COG8: variants seen among roughly 807,000 people sequenced by gnomAD.
COG8 encodes component of oligomeric golgi complex 8.
COG8 carries 45 observed loss-of-function variants against 46.5 expected under a neutral mutation model. That is an observed-to-expected ratio of 0.97 (90% CI 0.76 to 1.24). The LOEUF (loss-of-function observed/expected upper bound fraction) is 1.24. Ranked by LOEUF, COG8 falls within the 50% of genes most tolerant of loss-of-function variation. The pLI is 0.00. For missense variants in COG8, 793 were observed against 820.8 expected (o/e 0.97, Z 0.41); for synonymous variants, 407 against 347.8 (o/e 1.17, Z -1.90).
In COG8 at chr16:69,334,512, T is replaced by C. The variant is rs1258633246; in HGVS notation, c.1413+9A>G. 1 of 1,613,028 alleles carries C rather than the reference T, an allele frequency of 6.2e-7. No individual in the cohort carries two copies. The highest frequency in any genetic ancestry group is 8.5e-7 in the Non-Finnish European group (1 of 1,179,136). On this transcript the variant is annotated intron_variant, in intron 3 of 5. Transcript: ENST00000306875. ...CCAGGGTAGCAGAAAACCAACAGAA[T>C]GTGCTCACCTTGGCAAGGGCATCTT...
chr16:69,331,525 G>C (rs1241304194), intron 4 of COG8, among the ~76,000 whole-genome samples: 2 of 115,730 alleles, frequency 1.7e-5, no homozygotes, highest in Non-Finnish European at 1.8e-5. Flanking sequence ...TTTTTTTTGA[G>C]ACAGTCTCGC....
At chr16:69,332,409 G>A (rs997967084) in intron 4 of COG8, among the ~76,000 whole-genome samples, 34 of 152,008 alleles carry the variant, frequency 2.2e-4, no homozygotes, top group Non-Finnish European at 3.5e-4. Context: ...GGAATCATAC[G>A]TATGTAGTTC....
At chr16:69,332,133 C>G (rs2011904027) in intron 4 of COG8, among the ~76,000 whole-genome samples, 1 of 152,084 alleles carries the variant, frequency 6.6e-6, no homozygotes, top group African/African-American at 2.4e-5. Context: ...GTGGGCGGAT[C>G]ACAGGTCAAG....
intron 4 of COG8, among the ~76,000 whole-genome samples, chr16:69,331,607 G>T (rs181551746): frequency 1.8e-4 from 28 of 151,580 alleles, no homozygotes; most frequent in African/African-American, 6.8e-4. Context: ...GGTTCAAACA[G>T]TTCTCATGCC....
chr16:69,335,166 C>A lies in COG8; in HGVS notation c.768G>T (p.Arg256=). The stretch of plus-strand genomic sequence containing the variant: ...CATTAGGAATGGCAGTCAGGATGGA[C>A]CGGAGCCAAGCATCTCGGGCCTGAA... ...KFLQARDAWL[R]SILTAIPNDD... The change falls in exon 3 of 6, where the codon CGG becomes CGT. Residue 256 remains arginine (R), a synonymous_variant. Coordinates refer to ENST00000306875, the MANE Select transcript of COG8 (RefSeq NM_032382.5). 1 of 1,614,168 alleles carries A rather than the reference C, an allele frequency of 6.2e-7. No individual in the cohort carries two copies. The highest frequency in any genetic ancestry group is 8.5e-7 in the Non-Finnish European group (1 of 1,180,024).
chr16:69,327,729 T>C lies in COG8; in HGVS notation c.*1477A>G, dbSNP rs1965644495. The C allele has an allele frequency of 6.6e-6, 1 of 151,966 alleles. No individual in the cohort carries two copies. The highest frequency in any genetic ancestry group is 2.4e-5 in the African/African-American group (1 of 41,344). 9.4% of individuals were successfully genotyped at this position (151,966 alleles called of 1,614,324 possible). ...TGAAACAGTTTAACTAAAACTGGAG[T>C]TTGGCTGGGTAGTGTGGCTCACAAC... On this transcript the variant is annotated 3_prime_UTR_variant, in exon 6 of 6. Transcript: ENST00000306875.
intron 1 of COG8, chr16:69,338,449 G>C (rs2012327125): frequency 6.6e-6 from 1 of 152,266 alleles, no homozygotes; most frequent in African/African-American, 2.4e-5. Context: ...TTTTGAAGCA[G>C]ATGACCTCCG....
At chr16:69,330,075 C>T (rs376965963) in intron 5 of COG8, 20 of 1,566,858 alleles carry the variant, frequency 1.3e-5, no homozygotes, top group Non-Finnish European at 1.3e-5. Context: ...GGAAAGGTGA[C>T]CAGGCGGCTG....
At chr16:69,334,276 A>T (rs2012059440) in intron 3 of COG8, among the ~76,000 whole-genome samples, 1 of 152,238 alleles carries the variant, frequency 6.6e-6, no homozygotes, top group South Asian at 2.1e-4. Context: ...GAAATTTGTT[A>T]TGCAGCACTA....
In COG8 at chr16:69,330,890, CGG is replaced by C; in HGVS notation, c.1786_1787del (p.Pro596GlyfsTer74). 1 of 1,549,338 alleles carries C rather than the reference CGG, an allele frequency of 6.5e-7. No homozygotes were observed. The highest frequency in any genetic ancestry group is 1.2e-5 in the South Asian group (1 of 84,204). ...PRLEPAGPACPEGGRAETQAE... is the reference protein window; with the variant it reads ...PRLEPAGPACXEGGRAETQAE... ...CCTGCGTCTCCGCTCGCCCTCCCTC[CGG>C]GCAGGCTGGGCCCGCGGGCTCCAGG... is the stretch of plus-strand genomic sequence containing the variant. On this transcript the variant is annotated frameshift_variant, in exon 5 of 6. Coordinates refer to ENST00000306875, the MANE Select transcript of COG8 (RefSeq NM_032382.5). LOFTEE classifies it high-confidence loss of function.
intron 2 of COG8, among the ~76,000 whole-genome samples, chr16:69,335,682 G>T (rs1173982332): frequency 1.3e-5 from 2 of 152,014 alleles, no homozygotes; most frequent in African/African-American, 4.8e-5. Flanking sequence ...TGGGTGTGGT[G>T]GTGCAGGCCT....
intron 3 of COG8, 69 bp from the exon 4 acceptor site, chr16:69,332,951 A>G: frequency 3.3e-6 from 5 of 1,507,202 alleles, no homozygotes; most frequent in Non-Finnish European, 3.7e-6. Flanking sequence ...GCATGAAACT[A>G]GGCAAAAAAA....
chr16:69,330,752 C>T (rs1194628072), intron 5 of COG8, 61 bp downstream of exon 5: 16 of 1,436,090 alleles, frequency 1.1e-5, no homozygotes, highest in Non-Finnish European at 1.5e-5. Flanking sequence ...CCTCCCGAAC[C>T]CGCCCCGGAC....
In COG8 at chr16:69,330,758, C is replaced by T. The variant is rs1240564944; in HGVS notation, c.*26+55G>A. 1.4e-5 allele frequency: 21 copies of T among 1,455,664 alleles called. No homozygotes were observed. The Admixed American group carries it at 2.6e-4, about 18-fold the overall frequency. 90.2% of individuals were successfully genotyped at this position (1,455,664 alleles called of 1,614,324 possible). ...GCCTTCCCGCCTCCCGAACCCGCCCCGGACCTTCCAGGGCGAGGCAGTCCT... is the reference window on the plus strand; with the variant it reads ...GCCTTCCCGCCTCCCGAACCCGCCCTGGACCTTCCAGGGCGAGGCAGTCCT... On this transcript the variant is annotated intron_variant, in intron 5 of 5. Transcript: ENST00000306875.
At position 69,334,537 on chromosome 16, in the gene COG8, TC is replaced by T. The variant is rs771045945; in HGVS notation, c.1396del (p.Glu466LysfsTer7). The T allele has an allele frequency of 1.1e-5, 17 of 1,613,890 alleles. No individual in the cohort carries two copies. In the Admixed American group the frequency reaches 2.8e-4, roughly 27 times the overall value. The stretch of plus-strand genomic sequence containing the variant: ...TGTGCTCACCTTGGCAAGGGCATCT[TC>T]CAAGGCCCCAGTCACATCCTGCGCC... ...ALAQDVTGAL[E>X]DALAKVTKII... On this transcript the variant is annotated frameshift_variant, in exon 3 of 6. Coordinates refer to ENST00000306875, the MANE Select transcript of COG8 (RefSeq NM_032382.5). LOFTEE classifies it high-confidence loss of function.
Position 69,336,644 on chromosome 16 carries a change from TGCCG to T in COG8, c.442_445del (p.Arg148ThrfsTer50). 3 of 1,614,156 alleles carry T rather than the reference TGCCG, an allele frequency of 1.9e-6. No homozygotes were observed. Among genetic ancestry groups the T allele is most frequent in the Non-Finnish European group, 2.5e-6 (3 of 1,180,030 alleles). On this transcript the variant is annotated frameshift_variant, in exon 2 of 6. Coordinates refer to ENST00000306875, the MANE Select transcript of COG8 (RefSeq NM_032382.5). LOFTEE classifies it high-confidence loss of function. ...CTCCAGTATTTCCAAAATTTCTGTG[TGCCG>T]GTTTAGGGTCAGGCTATTCATCCGG...
At chr16:69,335,422 A>T (rs769290618) in intron 2 of COG8, 74 bp from the exon 3 acceptor site, 3 of 1,218,814 alleles carry the variant, frequency 2.5e-6, no homozygotes, top group Non-Finnish European at 3.5e-6. Flanking sequence ...AACTCTGAAG[A>T]CTGCAGACCA....
In COG8 at chr16:69,339,169, G is replaced by C. The variant is rs888672913; in HGVS notation, c.377+7C>G. The C allele has an allele frequency of 1.9e-6, 3 of 1,612,898 alleles. No homozygotes were observed. The highest frequency in any genetic ancestry group is 1.7e-4 in the Middle Eastern group (1 of 6,058). ...ATAAAACCCCTTTAGCGCCAGGCGC[G>C]TCGCACCTGCAGCTCTGCTGGAAGC... is the stretch of plus-strand genomic sequence containing the variant. On this transcript the variant is annotated splice_region_variant and intron_variant, in intron 1 of 5. Transcript: ENST00000306875.
intron 4 of COG8, among the ~76,000 whole-genome samples, chr16:69,331,341 A>G (rs1453545870): frequency 6.6e-6 from 1 of 150,764 alleles, no homozygotes; most frequent in African/African-American, 2.4e-5. Flanking sequence ...AATCCCAGCT[A>G]CTTGGGAAGG....
Sources: allele counts gnomAD v4.1 joint callset (sites outside exome capture counted in the v4.1 genomes callset), GRCh38; gene constraint gnomAD v4.1.1; transcripts MANE v1.5; gene names NCBI Gene and HGNC (gene_info 2026-07-23, HGNC 2026-07-21).